The following ANKFN1 variants were observed in gnomAD, a reference collection of about 807,000 sequenced individuals.
The protein encoded by ANKFN1 is ankyrin repeat and fibronectin type III domain containing 1.
Under a neutral mutation model 108.7 loss-of-function variants are expected in ANKFN1, and 74 were observed. The ratio of observed to expected loss-of-function variants is 0.68; its 90% CI spans 0.56 to 0.83. The LOEUF (loss-of-function observed/expected upper bound fraction) is 0.83, where lower values mean the gene tolerates loss of function less well. ANKFN1 is among the 40% of genes least tolerant of loss of function. The probability of loss-of-function intolerance (pLI) is 0.00; values close to 1 mark genes in which losing one functional copy is unlikely to be tolerated. For synonymous variants in ANKFN1, 547 were observed against 516.2 expected, an observed-to-expected ratio of 1.06 and a Z score of -0.81; for missense variants, 1,505 against 1,382.3, an observed-to-expected ratio of 1.09 and a Z score of -1.41.
chr17:56,420,472 T>C (rs938701538), intron 8 of ANKFN1, among the ~76,000 whole-genome samples: 2 of 152,182 alleles, frequency 1.3e-5, no homozygotes, highest in Admixed American at 6.5e-5. Context: ...TATATAATAT[T>C]ACTTTTACTC....
At chr17:56,263,848 C>T (rs968384729) in intron 3 of ANKFN1, among the ~76,000 whole-genome samples, 2 of 152,174 alleles carry the variant, frequency 1.3e-5, no homozygotes, top group African/African-American at 2.4e-5. Flanking sequence ...GCTGTTGTAC[C>T]TTAACCTCCA....
chr17:56,291,470 C>G (rs770924535), intron 3 of ANKFN1, among the ~76,000 whole-genome samples: 7 of 152,130 alleles, frequency 4.6e-5, no homozygotes, highest in Admixed American at 1.3e-4. Flanking sequence ...CCTTCTGATA[C>G]CCAGATGTCT....
chr17:56,154,717 T>C (rs1555601703), intron 1 of ANKFN1, among the ~76,000 whole-genome samples: 2 of 152,020 alleles, frequency 1.3e-5, no homozygotes, highest in Non-Finnish European at 2.9e-5. Context: ...ACAGGAACTA[T>C]ACAGTTTTCA....
chr17:56,473,137 G>C (rs1284985108), intron 15 of ANKFN1: 1 of 152,104 alleles, frequency 6.6e-6, no homozygotes, highest in Admixed American at 6.6e-5. Context: ...CAATATCCTA[G>C]CCACAAGACT....
chr17:56,416,678 C>CT (rs2048249285), intron 8 of ANKFN1, among the ~76,000 whole-genome samples: 1 of 152,156 alleles, frequency 6.6e-6, no homozygotes. Flanking sequence ...ATAGAGCTAC[C>CT]ATACAGCCCG....
chr17:56,096,203 G>C (rs1474930246), intron 4 of ANKFN1, among the ~76,000 whole-genome samples: 1 of 152,200 alleles, frequency 6.6e-6, no homozygotes, highest in Non-Finnish European at 1.5e-5. Flanking sequence ...ACAGGGCATA[G>C]CTCTTCCCAC....
At chr17:56,437,499 C>A (rs1191087195) in intron 8 of ANKFN1, among the ~76,000 whole-genome samples, 1 of 152,106 alleles carries the variant, frequency 6.6e-6, no homozygotes, top group Non-Finnish European at 1.5e-5. Flanking sequence ...CAATGGCAAC[C>A]AAAGATATTT....
At chr17:56,063,478 A>T (rs1435828949) in intron 4 of ANKFN1, among the ~76,000 whole-genome samples, 2 of 150,458 alleles carry the variant, frequency 1.3e-5, no homozygotes, top group African/African-American at 2.4e-5. Flanking sequence ...TCTTGTCTGT[A>T]TGCCTTATTT....
chr17:56,166,586 G>A (rs187892796), intron 1 of ANKFN1, among the ~76,000 whole-genome samples: 15 of 151,980 alleles, frequency 9.9e-5, no homozygotes, highest in Admixed American at 2.0e-4. Flanking sequence ...GCAGCCAACC[G>A]CATTTTGAAC....
Position 56,511,163 on chromosome 17 carries a change from C to T in ANKFN1, c.3335C>T (p.Pro1112Leu). ...QDEKPWASLS[P>L]PSGGRITLPS... ...GAAAAACCATGGGCAAGCTTGAGCC[C>T]GCCCTCTGGAGGCCGCATCACCCTG... The change falls in exon 21 of 21, where the codon CCG (proline) becomes CTG (leucine). Residue 1112 changes from proline (P) to leucine (L), a missense_variant. Pro to Leu is a moderately conservative substitution (Grantham distance 98). Coordinates refer to ENST00000682825, the MANE Select transcript of ANKFN1 (RefSeq NM_001370326.1). 2 of 1,536,058 alleles carry T rather than the reference C, an allele frequency of 1.3e-6. No individual in the cohort carries two copies. Among genetic ancestry groups the T allele is most frequent in the Non-Finnish European group, 1.7e-6 (2 of 1,146,858 alleles).
chr17:56,221,030 T>A (rs1915860046), intron 2 of ANKFN1, among the ~76,000 whole-genome samples: 1 of 152,144 alleles, frequency 6.6e-6, no homozygotes. Flanking sequence ...GATGTTGGCA[T>A]CTGCTCAGCT....
intron 8 of ANKFN1, among the ~76,000 whole-genome samples, chr17:56,390,641 G>C (rs924239754): frequency 6.6e-6 from 1 of 152,198 alleles, no homozygotes; most frequent in African/African-American, 2.4e-5. Context: ...CACAATGGTA[G>C]AACTAGTTTA....
chr17:56,279,079 C>G (rs561228921), intron 3 of ANKFN1, among the ~76,000 whole-genome samples: 2 of 152,188 alleles, frequency 1.3e-5, no homozygotes, highest in Non-Finnish European at 2.9e-5. Context: ...TGACACCCCT[C>G]TCTGTGCCAT....
chr17:56,495,535 G>A (rs1046878881), intron 19 of ANKFN1, among the ~76,000 whole-genome samples: 1 of 152,098 alleles, frequency 6.6e-6, no homozygotes, highest in Admixed American at 6.6e-5. Flanking sequence ...GGGAGTCTAT[G>A]TAAATACAGT....
chr17:56,353,946 T>G lies in ANKFN1; in HGVS notation c.501T>G (p.Pro167=), dbSNP rs145884042. Residue 167 remains proline (P), a synonymous_variant, in exon 6 of 21, where the codon CCT becomes CCG. Coordinates refer to ENST00000682825, the MANE Select transcript of ANKFN1 (RefSeq NM_001370326.1). The part of the protein sequence containing the change: ...YTPEELDLNT[P]NSEGLTPLDI... Reference sequence around the variant, plus strand: ...CAGAAGAACTTGACCTCAACACACCTAACAGCGAGGGCTTGACACCCCTGG... The same window carrying G: ...CAGAAGAACTTGACCTCAACACACCGAACAGCGAGGGCTTGACACCCCTGG... The G allele has an allele frequency of 1.9e-4, 314 of 1,613,980 alleles. 1 individual carries two copies. The African/African-American group carries it at 3.8e-3, about 20-fold the overall frequency.
chr17:56,418,183 A>T (rs561410640), intron 8 of ANKFN1, among the ~76,000 whole-genome samples: 1 of 152,322 alleles, frequency 6.6e-6, no homozygotes, highest in East Asian at 1.9e-4. Flanking sequence ...TTCCACATTT[A>T]AATAATCGAA....
intron 2 of ANKFN1, among the ~76,000 whole-genome samples, chr17:56,217,667 A>T (rs1411071008): frequency 1.3e-5 from 2 of 152,160 alleles, no homozygotes; most frequent in Non-Finnish European, 2.9e-5. Context: ...AGGTTGAGAA[A>T]CCAATATAGA....
At chr17:56,383,852 A>T (rs939454909) in intron 8 of ANKFN1, among the ~76,000 whole-genome samples, 20 of 152,152 alleles carry the variant, frequency 1.3e-4, no homozygotes, top group African/African-American at 4.8e-4. Context: ...CTTACCAACC[A>T]AAGAGTCCAG....
chr17:56,093,022 T>G (rs1202351267), intron 4 of ANKFN1, among the ~76,000 whole-genome samples: 2 of 151,146 alleles, frequency 1.3e-5, no homozygotes, highest in African/African-American at 4.9e-5. Context: ...GCCTTTTGAT[T>G]AATTCATAAT....
Sources: gnomAD v4.1 joint callset for allele counts (sites outside exome capture counted in the v4.1 genomes callset) on GRCh38, gnomAD v4.1.1 for gene constraint, MANE v1.5 for transcripts, NCBI Gene and HGNC (gene_info 2026-07-23, HGNC 2026-07-21) for gene names.